The following FAM168B variants were observed in gnomAD, a reference collection of about 807,000 sequenced individuals.
FAM168B encodes the protein myelin-associated neurite-outgrowth inhibitor.
FAM168B carries 19 observed loss-of-function variants against 21.8 expected under a neutral mutation model. The ratio of observed to expected loss-of-function variants is 0.87; its 90% CI spans 0.61 to 1.28. The LOEUF (loss-of-function observed/expected upper bound fraction) is 1.28. Ranked by LOEUF, FAM168B falls within the 50% of genes most tolerant of loss-of-function variation. FAM168B has a pLI of 0.00. For synonymous variants in FAM168B, 126 were observed against 104.8 expected (o/e 1.20, Z -1.24); for missense variants, 233 against 263.1 (o/e 0.89, Z 0.79).
At chr2:131,058,900 T>A (rs555330010) in intron 3 of FAM168B, among the ~76,000 whole-genome samples, 88 of 152,338 alleles carry the variant, frequency 5.8e-4, no homozygotes, top group African/African-American at 2.1e-3. Flanking sequence ...ACATTTTCTT[T>A]AATTATAAAG....
At chr2:131,062,883 C>A (rs1410268846) in intron 3 of FAM168B, among the ~76,000 whole-genome samples, 1 of 152,202 alleles carries the variant, frequency 6.6e-6, no homozygotes, top group East Asian at 1.9e-4. Flanking sequence ...TTCACACATG[C>A]ACATTTTACT....
In FAM168B at chr2:131,048,356, GGAGA is replaced by G; in HGVS notation, c.*4105_*4108del. On this transcript the variant is annotated 3_prime_UTR_variant, in exon 7 of 7. Transcript: ENST00000389915. ...TCATGGGCACAGCCTGTGGTGAGGA[GGAGA>G]CACCTGTCATGCCAGTCCTGGGAGC... The G allele has an allele frequency of 7.7e-7, 1 of 1,297,612 alleles. No homozygotes were observed. Among genetic ancestry groups the G allele is most frequent in the Non-Finnish European group, 1.0e-6 (1 of 983,728 alleles). The allele number at this position is 1,297,612 out of a possible 1,614,324, so 80.4% of individuals were successfully genotyped here. A position where few individuals can be genotyped will look rare whatever the true frequency, so the allele number is the denominator to read the frequency against.
At chr2:131,073,138 G>A (rs1049371480) in intron 2 of FAM168B, among the ~76,000 whole-genome samples, 1 of 151,420 alleles carries the variant, frequency 6.6e-6, no homozygotes, top group African/African-American at 2.4e-5. Flanking sequence ...TGTTGCCTAC[G>A]CTGGAGTGCA....
intron 2 of FAM168B, among the ~76,000 whole-genome samples, chr2:131,080,541 C>G (rs745508252): frequency 2.3e-4 from 34 of 150,644 alleles, no homozygotes; most frequent in Middle Eastern, 6.9e-3. Flanking sequence ...TCGCTTGAAC[C>G]CGGGAGATGG....
intron 1 of FAM168B, among the ~76,000 whole-genome samples, chr2:131,092,991 G>A (rs1228341355): frequency 1.3e-5 from 2 of 151,788 alleles, no homozygotes; most frequent in Non-Finnish European, 2.9e-5. Context: ...CTAGGCGGCA[G>A]GCCCGCGCCG....
chr2:131,090,419 A>C (rs995503827), intron 1 of FAM168B, among the ~76,000 whole-genome samples: 10 of 152,150 alleles, frequency 6.6e-5, no homozygotes, highest in Non-Finnish European at 1.5e-5. Flanking sequence ...CACACAGAGC[A>C]CTAAGTATGA....
At chr2:131,058,360 CT>C (rs1354913489) in intron 3 of FAM168B, among the ~76,000 whole-genome samples, 2 of 152,148 alleles carry the variant, frequency 1.3e-5, no homozygotes, top group African/African-American at 4.8e-5. Context: ...CCTGCATGCC[CT>C]TTCATGGTCT....
intron 2 of FAM168B, among the ~76,000 whole-genome samples, chr2:131,076,181 G>A (rs1346321813): frequency 2.0e-5 from 3 of 152,170 alleles, no homozygotes; most frequent in Non-Finnish European, 4.4e-5. Flanking sequence ...AGGGTTCCAA[G>A]CAATGGAGTT....
chr2:131,061,305 A>G (rs1419441228), intron 3 of FAM168B, among the ~76,000 whole-genome samples: 1 of 150,932 alleles, frequency 6.6e-6, no homozygotes. Context: ...TAAAAAAAAA[A>G]AAAAAGTAAA....
Position 131,065,439 on chromosome 2 carries a change from G to A in FAM168B, c.154+6416C>T, listed in dbSNP as rs1573773648. Among the ~76,000 whole-genome samples the A allele has an allele frequency of 2.0e-5, 3 of 152,006 alleles. No individual in the cohort carries two copies. In the South Asian group the frequency reaches 6.3e-4, roughly 32 times the overall value. On this transcript the variant is annotated intron_variant, in intron 3 of 6. Transcript: ENST00000389915. Reference sequence around the variant, plus strand: ...CTCCCCCTCGGCTGCCATGCATGAAGTTTAATTTTTAAACAAACCAAGGGT... The same window carrying A: ...CTCCCCCTCGGCTGCCATGCATGAAATTTAATTTTTAAACAAACCAAGGGT...
intron 1 of FAM168B, among the ~76,000 whole-genome samples, chr2:131,087,698 G>T (rs1457629090): frequency 6.6e-6 from 1 of 152,182 alleles, no homozygotes; most frequent in Non-Finnish European, 1.5e-5. Flanking sequence ...CCTGAGTGGA[G>T]ATGTCCTCTG....
chr2:131,069,440 T>C (rs1314937693), intron 3 of FAM168B, among the ~76,000 whole-genome samples: 1 of 151,592 alleles, frequency 6.6e-6, no homozygotes, highest in Non-Finnish European at 1.5e-5. Flanking sequence ...GTAAAACTTC[T>C]ACAAGAAAAA....
chr2:131,081,090 T>C (rs1693412226), intron 2 of FAM168B, among the ~76,000 whole-genome samples: 1 of 152,200 alleles, frequency 6.6e-6, no homozygotes, highest in Admixed American at 6.5e-5. Context: ...TCTTAACCAG[T>C]GTCTTGTCTT....
At chr2:131,090,436 A>G (rs1027164090) in intron 1 of FAM168B, among the ~76,000 whole-genome samples, 15 of 152,206 alleles carry the variant, frequency 9.9e-5, no homozygotes, top group African/African-American at 3.1e-4. Context: ...ATGAAATACT[A>G]TAACACGAGG....
At chr2:131,076,081 G>A (rs1693139522) in intron 2 of FAM168B, among the ~76,000 whole-genome samples, 1 of 151,974 alleles carries the variant, frequency 6.6e-6, no homozygotes, top group Non-Finnish European at 1.5e-5. Context: ...AACCCACAGG[G>A]GCAGCTTTGG....
intron 2 of FAM168B, among the ~76,000 whole-genome samples, chr2:131,078,330 G>A (rs1415204356): frequency 6.6e-6 from 1 of 152,182 alleles, no homozygotes; most frequent in Non-Finnish European, 1.5e-5. Flanking sequence ...TAGCAAATTA[G>A]AGCAGAATTA....
chr2:131,052,290 G>A lies in FAM168B; in HGVS notation c.*175C>T. On this transcript the variant is annotated 3_prime_UTR_variant, in exon 7 of 7. Transcript: ENST00000389915. Reference sequence around the variant, plus strand: ...ATTTGCTTTAAGACCAACCCACAGAGTCAGCTGGAGACTAACGGCGCTGGG... The same window carrying A: ...ATTTGCTTTAAGACCAACCCACAGAATCAGCTGGAGACTAACGGCGCTGGG... The A allele has an allele frequency of 1.0e-6, 1 of 985,958 alleles. No homozygotes were observed. Among genetic ancestry groups the A allele is most frequent in the Non-Finnish European group, 1.2e-6 (1 of 829,998 alleles). The allele number at this position is 985,958 out of a possible 1,614,324, so 61.1% of individuals were successfully genotyped here. A position where few individuals can be genotyped will look rare whatever the true frequency, so the allele number is the denominator to read the frequency against.
chr2:131,091,896 G>T (rs1315151454), intron 1 of FAM168B, among the ~76,000 whole-genome samples: 2 of 151,412 alleles, frequency 1.3e-5, no homozygotes, highest in Non-Finnish European at 2.9e-5. Flanking sequence ...TTGGAAGGTC[G>T]AGGCGGGCGG....
intron 2 of FAM168B, among the ~76,000 whole-genome samples, chr2:131,080,042 G>A (rs999868378): frequency 2.6e-5 from 4 of 151,838 alleles, no homozygotes; most frequent in South Asian, 2.1e-4. Context: ...ACCTGAACGC[G>A]GGAGGCAGAG....
Sources: gnomAD v4.1 joint callset for allele counts (sites outside exome capture counted in the v4.1 genomes callset) on GRCh38, gnomAD v4.1.1 for gene constraint, MANE v1.5 for transcripts, NCBI Gene and HGNC (gene_info 2026-07-23, HGNC 2026-07-21) for gene names.